WDR37: variants seen among roughly 807,000 people sequenced by gnomAD.
WDR37 encodes the protein WD repeat domain 37.
Under a neutral mutation model 62.9 loss-of-function variants are expected in WDR37, and 19 were observed. That is an observed-to-expected ratio of 0.30 (90% CI 0.21 to 0.44). WDR37 has a LOEUF of 0.44. Ranked by LOEUF, WDR37 falls within the 20% of genes least tolerant of loss-of-function variation. The probability of loss-of-function intolerance (pLI) is 1.00; values close to 1 mark genes in which losing one functional copy is unlikely to be tolerated. For missense variants in WDR37, 474 were observed against 657.6 expected (o/e 0.72, Z 3.05); for synonymous variants, 250 against 260.9 (o/e 0.96, Z 0.40).
At chr10:1,109,450 G>A (rs976168750) in intron 11 of WDR37, among the ~76,000 whole-genome samples, 13 of 152,224 alleles carry the variant, frequency 8.5e-5, no homozygotes, top group Non-Finnish European at 1.8e-4. Context: ...GCTTAGGCTG[G>A]GCGCGGTGGC....
rs550708259 is a variant in WDR37, at chr10:1,123,448, C to T, written c.1104-770C>T. Among the ~76,000 whole-genome samples, 10 of 152,308 alleles carry T rather than the reference C, an allele frequency of 6.6e-5. No individual in the cohort carries two copies. In the East Asian group the frequency reaches 1.5e-3, roughly 23 times the overall value. On this transcript the variant is annotated intron_variant, in intron 11 of 13. Transcript: ENST00000263150. ...CCCCCAGACCCCGAGAACCTCTGTTCTACTTCCTGTTTCTCTGAATTTGCC... is the reference window on the plus strand; with the variant it reads ...CCCCCAGACCCCGAGAACCTCTGTTTTACTTCCTGTTTCTCTGAATTTGCC...
At position 1,105,228 on chromosome 10, in the gene WDR37, C is replaced by T; in HGVS notation, c.1064C>T (p.Pro355Leu). ...TTFRLWDFRDPSIHSVNVFQG... is the reference protein window; with the variant it reads ...TTFRLWDFRDLSIHSVNVFQG... ...TTCCGCCTCTGGGATTTCAGGGACC[C>T]CTCCATCCACTCGGTGAATGTTTTC... The change falls in exon 11 of 14, where the codon CCC becomes CTC. Residue 355 changes from proline (P) to leucine (L), a missense_variant. Physicochemically the swap from Pro to Leu is moderately conservative, Grantham distance 98. Coordinates refer to ENST00000263150, the MANE Select transcript of WDR37 (RefSeq NM_014023.4). The surrounding 1 kb of genome is among the most constrained non-coding windows in gnomAD (Gnocchi z 5.3). 6.2e-7 allele frequency: 1 copy of T among 1,614,106 alleles called. No homozygotes were observed. The highest frequency in any genetic ancestry group is 8.5e-7 in the Non-Finnish European group (1 of 1,180,012).
chr10:1,090,220 A>G (rs1834341276), intron 7 of WDR37, among the ~76,000 whole-genome samples: 1 of 151,440 alleles, frequency 6.6e-6, no homozygotes, highest in South Asian at 2.1e-4. Context: ...GTGCAGTGGT[A>G]GGATCTCGGC....
chr10:1,113,497 A>G (rs989513681), intron 11 of WDR37, among the ~76,000 whole-genome samples: 13 of 152,242 alleles, frequency 8.5e-5, no homozygotes, highest in Non-Finnish European at 1.9e-4. Context: ...TGCCATAGAT[A>G]GTGATTCCTC....
chr10:1,064,631 T>C (rs1833483728), intron 1 of WDR37, among the ~76,000 whole-genome samples: 1 of 136,194 alleles, frequency 7.3e-6, no homozygotes, highest in African/African-American at 2.7e-5. Context: ...AATCTTGCTC[T>C]GTCACCCAGG....
intron 11 of WDR37, among the ~76,000 whole-genome samples, chr10:1,109,232 C>T (rs1337380737): frequency 6.6e-6 from 1 of 152,146 alleles, no homozygotes; most frequent in Non-Finnish European, 1.5e-5. Flanking sequence ...TATTTAAGAC[C>T]CTTCTAGTCC....
At chr10:1,097,371 C>G (rs771886247) in intron 9 of WDR37, among the ~76,000 whole-genome samples, 1 of 152,174 alleles carries the variant, frequency 6.6e-6, no homozygotes, top group Non-Finnish European at 1.5e-5. Context: ...CAGCTTGAAC[C>G]AGAGGGGACA....
At chr10:1,115,991 A>G (rs986978056) in intron 11 of WDR37, among the ~76,000 whole-genome samples, 1 of 152,146 alleles carries the variant, frequency 6.6e-6, no homozygotes, top group African/African-American at 2.4e-5. Flanking sequence ...ATTAGATTAC[A>G]TTAGAGTACT....
rs1835916952 is a variant in WDR37, at chr10:1,129,787, G to A, written c.*443G>A. On this transcript the variant is annotated 3_prime_UTR_variant, in exon 14 of 14. Coordinates refer to ENST00000263150, the MANE Select transcript of WDR37 (RefSeq NM_014023.4). ...TGCCTGTGTTGGCTGGCGACCAGCA[G>A]GATTGCTCCAGGATTTTGTGTTTAC... 6.4e-6 allele frequency: 1 copy of A among 155,672 alleles called. No homozygotes were observed. The highest frequency in any genetic ancestry group is 1.4e-5 in the Non-Finnish European group (1 of 70,040). 9.6% of individuals were successfully genotyped at this position (155,672 alleles called of 1,614,324 possible).
intron 5 of WDR37, among the ~76,000 whole-genome samples, chr10:1,082,484 T>C (rs1834058618): frequency 6.6e-6 from 1 of 152,220 alleles, no homozygotes; most frequent in South Asian, 2.1e-4. Context: ...CTCAAAAATA[T>C]TTGCAAACAT....
At chr10:1,096,278 G>C in intron 9 of WDR37, 32 bp downstream of exon 9, 1 of 1,600,242 alleles carries the variant, frequency 6.2e-7, no homozygotes, top group Non-Finnish European at 8.6e-7. Context: ...TGAATGTGTA[G>C]GATGCTGATG....
intron 9 of WDR37, among the ~76,000 whole-genome samples, chr10:1,097,154 GA>G (rs1589104558): frequency 1.3e-5 from 2 of 152,310 alleles, no homozygotes; most frequent in East Asian, 3.9e-4. Flanking sequence ...GTTGTTAAGG[GA>G]AAGGGGACGA....
At chr10:1,112,833 G>T (rs1835257976) in intron 11 of WDR37, among the ~76,000 whole-genome samples, 1 of 152,218 alleles carries the variant, frequency 6.6e-6, no homozygotes, top group South Asian at 2.1e-4. Flanking sequence ...CTGGAAGCTG[G>T]CAGAGGTTGG....
At chr10:1,077,812 G>A in intron 2 of WDR37, 95 bp from the exon 3 acceptor site, 1 of 916,708 alleles carries the variant, frequency 1.1e-6, no homozygotes, top group Non-Finnish European at 1.7e-6. Flanking sequence ...CAAAATAAGA[G>A]TTTACAATAA....
At chr10:1,088,380 TA>T (rs1456334479) in intron 7 of WDR37, among the ~76,000 whole-genome samples, 2 of 152,210 alleles carry the variant, frequency 1.3e-5, no homozygotes, top group African/African-American at 4.8e-5. Context: ...GCTTTTGATT[TA>T]AAGGGAGCAA....
At chr10:1,112,227 C>G (rs75114251) in intron 11 of WDR37, among the ~76,000 whole-genome samples, 1 of 152,318 alleles carries the variant, frequency 6.6e-6, no homozygotes, top group African/African-American at 2.4e-5. Flanking sequence ...CACAATACTT[C>G]TTACTTTTTC....
intron 2 of WDR37, 62 bp from the exon 3 acceptor site, chr10:1,077,845 G>A: frequency 8.2e-7 from 1 of 1,226,488 alleles, no homozygotes; most frequent in Non-Finnish European, 1.2e-6. Flanking sequence ...TTTGGAAAAA[G>A]CATATTTGTA....
Position 1,096,235 on chromosome 10 carries a change from G to T in WDR37, c.715G>T (p.Ala239Ser). 1 of 1,614,144 alleles carries T rather than the reference G, an allele frequency of 6.2e-7. No homozygotes were observed. The highest frequency in any genetic ancestry group is 8.5e-7 in the Non-Finnish European group (1 of 1,180,014). ...AVQLPTPQPV[A>S]DTSISGEDEV... ...GCAGCTGCCGACACCCCAGCCTGTT[G>T]CTGACACTAGTGTAAGCACCTTTCC... Residue 239 changes from alanine (A) to serine (S), a missense_variant, in exon 9 of 14, where the codon GCT (alanine) becomes TCT (serine). Coordinates refer to ENST00000263150, the MANE Select transcript of WDR37 (RefSeq NM_014023.4).
chr10:1,113,797 C>A (rs1277072101), intron 11 of WDR37, among the ~76,000 whole-genome samples: 1 of 152,048 alleles, frequency 6.6e-6, no homozygotes, highest in Non-Finnish European at 1.5e-5. Flanking sequence ...AAAGTGGTTT[C>A]TTGAGTGGGA....
Sources: allele counts gnomAD v4.1 joint callset (sites outside exome capture counted in the v4.1 genomes callset), GRCh38; gene constraint gnomAD v4.1.1; non-coding constraint Gnocchi (gnomAD v3.1); transcripts MANE v1.5; gene names NCBI Gene and HGNC (gene_info 2026-07-23, HGNC 2026-07-21).